Variants in DEPTOR observed in about 807,000 individuals in gnomAD.
DEPTOR encodes DEP domain containing MTOR interacting protein, also known as DEP domain-containing mTOR-interacting protein.
A neutral mutation model predicts 41.6 loss-of-function variants in DEPTOR; 41 were observed. The observed-to-expected ratio is 0.98, with a 90% CI of 0.77 to 1.28. DEPTOR has a LOEUF of 1.28. Ranked by LOEUF, DEPTOR falls within the 50% of genes most tolerant of loss-of-function variation. DEPTOR has a pLI of 0.00. For missense variants in DEPTOR, 514 were observed against 527.9 expected, an observed-to-expected ratio of 0.97 and a Z score of 0.26; for synonymous variants, 195 against 192.3, an observed-to-expected ratio of 1.01 and a Z score of -0.12.
At chr8:119,882,707 G>A (rs1052914715) in intron 1 of DEPTOR, among the ~76,000 whole-genome samples, 4 of 152,082 alleles carry the variant, frequency 2.6e-5, no homozygotes, top group Non-Finnish European at 5.9e-5. Context: ...CCAGCTTCTT[G>A]TCCTGTTCTT....
intron 4 of DEPTOR, among the ~76,000 whole-genome samples, chr8:119,972,514 T>G (rs1055697345): frequency 1.3e-5 from 2 of 151,916 alleles, no homozygotes; most frequent in South Asian, 4.1e-4. Flanking sequence ...TCCCAGCTAC[T>G]TGGGAGGCTG....
chr8:119,886,591 A>G (rs887650668), intron 1 of DEPTOR, among the ~76,000 whole-genome samples: 46 of 152,012 alleles, frequency 3.0e-4, no homozygotes, highest in Non-Finnish European at 6.0e-4. Context: ...ACCCTATTCT[A>G]CCACTTCCAG....
chr8:119,878,486 AT>A (rs1482235574), intron 1 of DEPTOR, among the ~76,000 whole-genome samples: 1 of 150,334 alleles, frequency 6.7e-6, no homozygotes, highest in African/African-American at 2.5e-5. Context: ...CACCCAGTTA[AT>A]TTTTTTTGTG....
intron 3 of DEPTOR, among the ~76,000 whole-genome samples, chr8:119,941,968 GTC>G (rs1201994201): frequency 2.6e-5 from 4 of 152,180 alleles, no homozygotes; most frequent in African/African-American, 7.2e-5. Context: ...GGGAAAAAGT[GTC>G]TGTCACTTGG....
intron 4 of DEPTOR, among the ~76,000 whole-genome samples, chr8:119,974,104 A>C (rs557662014): frequency 6.6e-6 from 1 of 151,752 alleles, no homozygotes; most frequent in African/African-American, 2.4e-5. Context: ...GGAAGGAAGG[A>C]AAAGAAGGTA....
chr8:120,002,623 C>A (rs1812366001), intron 5 of DEPTOR, among the ~76,000 whole-genome samples: 1 of 150,132 alleles, frequency 6.7e-6, no homozygotes, highest in South Asian at 2.1e-4. Flanking sequence ...ACTAAAAGTA[C>A]AAAATTTAGC....
At chr8:120,020,069 ATT>A (rs10706349) in intron 8 of DEPTOR, among the ~76,000 whole-genome samples, 2 of 151,022 alleles carry the variant, frequency 1.3e-5, no homozygotes, top group African/African-American at 4.9e-5. Context: ...AGTTCTTCTC[ATT>A]TTTTTTTGTT....
At chr8:119,980,599 C>T (rs1413044340) in intron 4 of DEPTOR, among the ~76,000 whole-genome samples, 1 of 150,788 alleles carries the variant, frequency 6.6e-6, no homozygotes, top group Non-Finnish European at 1.5e-5. Context: ...CTCACTGCAA[C>T]CTCCGCCTCC....
chr8:119,943,600 C>T (rs1042417700), intron 3 of DEPTOR, among the ~76,000 whole-genome samples: 5 of 151,964 alleles, frequency 3.3e-5, no homozygotes, highest in African/African-American at 4.8e-5. Flanking sequence ...TGGGTGGGGA[C>T]GCAGAGCCAA....
intron 1 of DEPTOR, among the ~76,000 whole-genome samples, chr8:119,875,824 G>T (rs943681507): frequency 3.3e-5 from 5 of 152,208 alleles, no homozygotes; most frequent in African/African-American, 1.2e-4. Flanking sequence ...AAACAATTTG[G>T]TTGATAAGGT....
At chr8:119,962,489 G>A (rs1245285683) in intron 3 of DEPTOR, among the ~76,000 whole-genome samples, 1 of 152,054 alleles carries the variant, frequency 6.6e-6, no homozygotes, top group Non-Finnish European at 1.5e-5. Context: ...TAGCCATGGG[G>A]ATGGCAAATT....
chr8:120,046,810 G>A lies in DEPTOR; in HGVS notation c.1102-2766G>A, dbSNP rs956557730. On this transcript the variant is annotated intron_variant, in intron 8 of 8. Coordinates refer to ENST00000286234, the MANE Select transcript of DEPTOR (RefSeq NM_022783.4). ...AGCTTCAAGCCACCCTGTCTTCAAC[G>A]CTTTTCCCTCTGGTGGCCATAGATC... Among the ~76,000 whole-genome samples, 14 of 152,198 alleles carry A rather than the reference G, an allele frequency of 9.2e-5. No individual in the cohort carries two copies. In the East Asian group the frequency reaches 1.4e-3, roughly 15 times the overall value.
At chr8:120,018,694 T>C (rs1312088451) in intron 8 of DEPTOR, among the ~76,000 whole-genome samples, 1 of 152,180 alleles carries the variant, frequency 6.6e-6, no homozygotes, top group East Asian at 1.9e-4. Context: ...AGCTTCTCAG[T>C]TAACAGAAAA....
At chr8:119,999,914 G>T (rs532830200) in intron 4 of DEPTOR, among the ~76,000 whole-genome samples, 1 of 152,056 alleles carries the variant, frequency 6.6e-6, no homozygotes, top group Non-Finnish European at 1.5e-5. Context: ...TGATAAAACC[G>T]CACTGAACTA....
chr8:119,964,515 CAAAAAAAAAAAAAAAAA>C lies in DEPTOR; in HGVS notation c.426-700_426-684del, dbSNP rs536731714. Among the ~76,000 whole-genome samples, 343 of 121,676 alleles carry C rather than the reference CAAAAAAAAAAAAAAAAA, an allele frequency of 2.8e-3. 3 individuals carry two copies. The highest frequency in any genetic ancestry group is 2.9e-3 in the Admixed American group (36 of 12,366). The allele number at this position is 121,676 out of a possible 152,430, so 79.8% of individuals were successfully genotyped here. Reference sequence around the variant, plus strand: ...GGGCAACAAGAGTGAAAGCCCGTCTCAAAAAAAAAAAAAAAAAAAAAAAAAAAAAAAAATTAGTGAGG... The same window carrying C: ...GGGCAACAAGAGTGAAAGCCCGTCTCAAAAAAAAAAAAAAAATTAGTGAGG... On this transcript the variant is annotated intron_variant, in intron 3 of 8. Coordinates refer to ENST00000286234, the MANE Select transcript of DEPTOR (RefSeq NM_022783.4).
intron 8 of DEPTOR, among the ~76,000 whole-genome samples, chr8:120,011,575 A>G (rs181397976): frequency 6.6e-6 from 1 of 152,300 alleles, no homozygotes; most frequent in East Asian, 1.9e-4. Flanking sequence ...CTGAGTGTGC[A>G]CTCACTCGCA....
intron 3 of DEPTOR, among the ~76,000 whole-genome samples, chr8:119,956,008 G>A (rs953868263): frequency 2.0e-5 from 3 of 152,076 alleles, no homozygotes; most frequent in African/African-American, 4.8e-5. Flanking sequence ...GAGGGGTACC[G>A]CAGAGCCAAC....
At chr8:120,038,794 C>A (rs1813017142) in intron 8 of DEPTOR, among the ~76,000 whole-genome samples, 1 of 152,078 alleles carries the variant, frequency 6.6e-6, no homozygotes, top group Non-Finnish European at 1.5e-5. Context: ...CCTGGTTTCA[C>A]CACTTACTAG....
At chr8:119,936,003 T>G (rs948361261) in intron 3 of DEPTOR, among the ~76,000 whole-genome samples, 7 of 150,298 alleles carry the variant, frequency 4.7e-5, no homozygotes, top group South Asian at 2.1e-4. Context: ...CTAGTTGTTT[T>G]TTTTTTTTTT....
Sources: allele counts gnomAD v4.1 joint callset (sites outside exome capture counted in the v4.1 genomes callset), GRCh38; gene constraint gnomAD v4.1.1; transcripts MANE v1.5; gene names NCBI Gene and HGNC (gene_info 2026-07-23, HGNC 2026-07-21).